CTNNA3: variants seen among roughly 807,000 people sequenced by gnomAD.
CTNNA3 encodes the protein catenin alpha 3.
In CTNNA3, 76 loss-of-function variants were observed where a neutral mutation model predicts 95.7. The observed-to-expected ratio is 0.79, with a 90% CI of 0.66 to 0.96. CTNNA3 has a LOEUF of 0.96. Among genes scored for constraint, CTNNA3 ranks in the 40% least tolerant of loss-of-function variants. CTNNA3 has a pLI of 0.00. For synonymous variants in CTNNA3, 431 were observed against 374.4 expected (o/e 1.15, Z -1.74); for missense variants, 1,191 against 1,089.8 (o/e 1.09, Z -1.31).
At chr10:66,845,703 C>CAAAAAAAAAAAAAA (rs61085873) in intron 7 of CTNNA3, among the ~76,000 whole-genome samples, 42 of 23,522 alleles carry the variant, frequency 1.8e-3, no homozygotes, top group African/African-American at 2.7e-3. Context: ...AACTCTGTCT[C>CAAAAAAAAAAAAAA]AAAAAAAAAA....
chr10:66,996,991 C>A (rs962889686), intron 7 of CTNNA3, among the ~76,000 whole-genome samples: 26 of 152,100 alleles, frequency 1.7e-4, no homozygotes, highest in African/African-American at 6.0e-4. Flanking sequence ...AAAAGATAAT[C>A]AAGAATAAGA....
intron 17 of CTNNA3, among the ~76,000 whole-genome samples, chr10:65,949,418 G>T (rs1458584145): frequency 1.3e-5 from 2 of 152,142 alleles, no homozygotes; most frequent in East Asian, 3.9e-4. Flanking sequence ...CACCAAATCA[G>T]CAAATACTCC....
chr10:66,894,337 C>T (rs1845392006), intron 7 of CTNNA3, among the ~76,000 whole-genome samples: 1 of 151,968 alleles, frequency 6.6e-6, no homozygotes, highest in South Asian at 2.1e-4. Flanking sequence ...AAAGTCTATC[C>T]AGAACCCTGA....
rs67598003 is a variant in CTNNA3, at chr10:66,942,548, G to GTCTC, written c.1048-167028_1048-167025dup. ...TCTCTCTTTAAAACATTGCCATAAT[G>GTCTC]TCTCTCTCTCTCTCTCTCTCTCTCT... On this transcript the variant is annotated intron_variant, in intron 7 of 17. Coordinates refer to ENST00000433211, the MANE Select transcript of CTNNA3 (RefSeq NM_013266.4). Among the ~76,000 whole-genome samples the GTCTC allele has an allele frequency of 3.6e-3, 534 of 148,122 alleles. 3 individuals are homozygous for GTCTC. The highest frequency in any genetic ancestry group is 5.7e-3 in the Non-Finnish European group (380 of 66,732).
chr10:66,564,994 A>G (rs889451889), intron 10 of CTNNA3, among the ~76,000 whole-genome samples: 172 of 152,332 alleles, frequency 1.1e-3, no homozygotes, highest in African/African-American at 4.0e-3. Flanking sequence ...TTTCGTATGC[A>G]TATACAGGAA....
chr10:67,609,620 C>G (rs1380184286), intron 2 of CTNNA3, among the ~76,000 whole-genome samples: 2 of 152,212 alleles, frequency 1.3e-5, no homozygotes, highest in South Asian at 2.1e-4. Flanking sequence ...TTTGTTTCCT[C>G]TCTTAGAAAA....
chr10:67,161,348 C>A (rs2394354), intron 7 of CTNNA3, among the ~76,000 whole-genome samples: 1 of 151,420 alleles, frequency 6.6e-6, no homozygotes, highest in African/African-American at 2.4e-5. Context: ...AACAGTCTTA[C>A]GTGTTTCTCA....
intron 5 of CTNNA3, among the ~76,000 whole-genome samples, chr10:67,434,127 T>G (rs1483471650): frequency 6.6e-6 from 1 of 152,090 alleles, no homozygotes; most frequent in Non-Finnish European, 1.5e-5. Context: ...TTTTGACTAT[T>G]TTTTAATATA....
chr10:66,999,148 A>G (rs905399529), intron 7 of CTNNA3, among the ~76,000 whole-genome samples: 1 of 152,120 alleles, frequency 6.6e-6, no homozygotes, highest in Non-Finnish European at 1.5e-5. Flanking sequence ...TACTACTTTT[A>G]TTTATCATTT....
intron 7 of CTNNA3, among the ~76,000 whole-genome samples, chr10:66,938,449 T>C (rs1214292448): frequency 6.6e-6 from 1 of 152,102 alleles, no homozygotes; most frequent in Non-Finnish European, 1.5e-5. Flanking sequence ...AAAATGAAAA[T>C]ATTATTAAGA....
chr10:67,213,817 T>G (rs1354981502), intron 6 of CTNNA3, among the ~76,000 whole-genome samples: 1 of 151,754 alleles, frequency 6.6e-6, no homozygotes, highest in Non-Finnish European at 1.5e-5. Context: ...AAATCATGAC[T>G]CAGTATGCTG....
At position 65,988,795 on chromosome 10, in the gene CTNNA3, C is replaced by A; in HGVS notation, c.2162G>T (p.Gly721Val). The A allele has an allele frequency of 6.2e-7, 1 of 1,610,348 alleles. No homozygotes were observed. The highest frequency in any genetic ancestry group is 8.5e-7 in the Non-Finnish European group (1 of 1,177,762). The change falls in exon 16 of 18, where the codon GGC (glycine) becomes GTC (valine). Residue 721 changes from glycine (G) to valine (V), a missense_variant and splice_region_variant. Coordinates refer to ENST00000433211, the MANE Select transcript of CTNNA3 (RefSeq NM_013266.4). Reference sequence around the variant, plus strand: ...AGTTGTATGCTTTAGTGGTCCTTTGCCCCTGGAAAAAAATTTATATATGTT... The same window carrying A: ...AGTTGTATGCTTTAGTGGTCCTTTGACCCTGGAAAAAAATTTATATATGTT... ...IMMEMTDFTR[G>V]KGPLKHTTDV...
chr10:65,977,578 C>T (rs922988041), intron 16 of CTNNA3, among the ~76,000 whole-genome samples: 2 of 151,892 alleles, frequency 1.3e-5, no homozygotes, highest in African/African-American at 2.4e-5. Context: ...GTCAGGAGTT[C>T]GAGACCAGCC....
At chr10:66,451,732 T>C (rs4746594) in intron 11 of CTNNA3, among the ~76,000 whole-genome samples, 58,168 of 151,990 alleles carry the variant, frequency 0.38, 11,707 homozygotes, top group African/African-American at 0.5. Flanking sequence ...GGATTATCCA[T>C]TTTTATAAGA....
intron 15 of CTNNA3, among the ~76,000 whole-genome samples, chr10:66,030,410 T>C (rs1351376651): frequency 6.6e-6 from 1 of 152,110 alleles, no homozygotes; most frequent in Non-Finnish European, 1.5e-5. Flanking sequence ...GGTGAGCATC[T>C]ACAACCATTT....
intron 12 of CTNNA3, among the ~76,000 whole-genome samples, chr10:66,314,399 A>G (rs1312099687): frequency 6.6e-6 from 1 of 150,482 alleles, no homozygotes; most frequent in African/African-American, 2.4e-5. Flanking sequence ...TTAATTTAAA[A>G]ATTTTAAAAT....
At chr10:66,318,759 T>C (rs1460049345) in intron 12 of CTNNA3, among the ~76,000 whole-genome samples, 1 of 152,094 alleles carries the variant, frequency 6.6e-6, no homozygotes, top group Non-Finnish European at 1.5e-5. Context: ...CAAAGCTAAT[T>C]ATGCTGCAGT....
chr10:66,472,256 T>G (rs1462491221), intron 11 of CTNNA3, among the ~76,000 whole-genome samples: 1 of 151,908 alleles, frequency 6.6e-6, no homozygotes, highest in Admixed American at 6.6e-5. Flanking sequence ...AAGTGTGATT[T>G]ACACAGGAAG....
At chr10:66,868,888 A>T (rs1241647898) in intron 7 of CTNNA3, among the ~76,000 whole-genome samples, 4 of 152,222 alleles carry the variant, frequency 2.6e-5, no homozygotes, top group Admixed American at 2.6e-4. Context: ...GTTAGAGATG[A>T]TGAGCTCATA....
Sources: gnomAD v4.1 joint callset for allele counts (sites outside exome capture counted in the v4.1 genomes callset) on GRCh38, gnomAD v4.1.1 for gene constraint, MANE v1.5 for transcripts, NCBI Gene and HGNC (gene_info 2026-07-23, HGNC 2026-07-21) for gene names.